KIFBP: variants seen among roughly 807,000 people sequenced by gnomAD.
KIFBP encodes the protein KIF-binding protein.
KIFBP carries 46 observed loss-of-function variants against 58.9 expected under a neutral mutation model. The observed-to-expected ratio is 0.78, with a 90% CI of 0.62 to 1.00. The LOEUF (loss-of-function observed/expected upper bound fraction) is 1.00, where lower values mean the gene tolerates loss of function less well. KIFBP is among the 50% of genes least tolerant of loss of function. The probability of loss-of-function intolerance (pLI) is 0.00; values close to 1 mark genes in which losing one functional copy is unlikely to be tolerated. For missense variants in KIFBP, 651 were observed against 752.9 expected (o/e 0.86, Z 1.58); for synonymous variants, 241 against 283.4 (o/e 0.85, Z 1.50).
At chr10:68,994,399 G>A (rs988948852) in intron 1 of KIFBP, among the ~76,000 whole-genome samples, 1 of 151,972 alleles carries the variant, frequency 6.6e-6, no homozygotes, top group Non-Finnish European at 1.5e-5. Context: ...GTCTTAATCT[G>A]GTGTATTCTC....
chr10:69,002,684 A>G (rs575192215), intron 2 of KIFBP, among the ~76,000 whole-genome samples: 51 of 151,828 alleles, frequency 3.4e-4, no homozygotes, highest in African/African-American at 1.2e-3. Flanking sequence ...TAGAGGTTCA[A>G]AGATCAGCCT....
intron 2 of KIFBP, among the ~76,000 whole-genome samples, chr10:69,002,777 A>G (rs1203316392): frequency 6.6e-6 from 1 of 151,932 alleles, no homozygotes; most frequent in Non-Finnish European, 1.5e-5. Context: ...GGTCCCAGCT[A>G]CTTCGGGGGC....
Position 68,994,979 on chromosome 10 carries a change from C to T in KIFBP, c.427-5445C>T, listed in dbSNP as rs553471297. Among the ~76,000 whole-genome samples, 275 of 151,886 alleles carry T rather than the reference C, an allele frequency of 1.8e-3. 3 individuals carry two copies. Among genetic ancestry groups the T allele is most frequent in the African/African-American group, 6.2e-3 (255 of 41,420 alleles). On this transcript the variant is annotated intron_variant, in intron 1 of 6. Transcript: ENST00000361983. ...CCTCAAACTCCTGGGATCATGTGAA[C>T]CTTTCACCTCAGCCTCCTGAATAGC...
chr10:69,006,909 C>G (rs964121240), intron 4 of KIFBP: 1 of 152,192 alleles, frequency 6.6e-6, no homozygotes, highest in African/African-American at 2.4e-5. Context: ...GCTTCTAGGA[C>G]TTTGGTCTAA....
chr10:68,994,545 CTTG>C (rs1843384522), intron 1 of KIFBP, among the ~76,000 whole-genome samples: 1 of 152,074 alleles, frequency 6.6e-6, no homozygotes, highest in Non-Finnish European at 1.5e-5. Flanking sequence ...CCTTCTGATC[CTTG>C]TTATCACCAG....
At chr10:69,002,812 C>T (rs528843458) in intron 2 of KIFBP, among the ~76,000 whole-genome samples, 1 of 152,010 alleles carries the variant, frequency 6.6e-6, no homozygotes, top group South Asian at 2.1e-4. Flanking sequence ...GGCTTGAGTC[C>T]GGGAGGGCAG....
intron 1 of KIFBP, among the ~76,000 whole-genome samples, chr10:68,998,771 A>ATTTTTTTTTTT (rs869186033): frequency 1.0e-5 from 1 of 99,856 alleles, no homozygotes; most frequent in East Asian, 3.9e-4. Flanking sequence ...ATATATATAT[A>ATTTTTTTTTTT]TTTTTTTTTT....
intron 1 of KIFBP, among the ~76,000 whole-genome samples, chr10:68,990,274 A>ACAGG (rs1843325951): frequency 6.6e-6 from 1 of 152,196 alleles, no homozygotes; most frequent in Non-Finnish European, 1.5e-5. Context: ...TCCCATCTGT[A>ACAGG]ATCCCAGCAT....
chr10:69,008,418 A>ATATATT (rs1159262992), intron 4 of KIFBP, among the ~76,000 whole-genome samples: 1 of 139,598 alleles, frequency 7.2e-6, no homozygotes, highest in Non-Finnish European at 1.5e-5. Flanking sequence ...ATATATATAT[A>ATATATT]TTCAGTCTTC....
intron 1 of KIFBP, among the ~76,000 whole-genome samples, chr10:68,999,364 C>A (rs1332022375): frequency 6.6e-6 from 1 of 151,768 alleles, no homozygotes; most frequent in Non-Finnish European, 1.5e-5. Context: ...TCCCAAAGTG[C>A]TAGAATTACA....
intron 6 of KIFBP, among the ~76,000 whole-genome samples, chr10:69,012,077 A>G (rs1205451353): frequency 2.6e-5 from 4 of 152,176 alleles, no homozygotes; most frequent in Non-Finnish European, 5.9e-5. Flanking sequence ...GACTTTTAAG[A>G]AATAGCTCAT....
intron 6 of KIFBP, among the ~76,000 whole-genome samples, chr10:69,014,879 C>T (rs1004008909): frequency 7.2e-5 from 11 of 152,126 alleles, no homozygotes; most frequent in Admixed American, 1.3e-4. Context: ...ATCTTAATGG[C>T]ATCCTTGTGA....
At chr10:69,012,341 T>G (rs1226856504) in intron 6 of KIFBP, among the ~76,000 whole-genome samples, 1 of 152,162 alleles carries the variant, frequency 6.6e-6, no homozygotes, top group Non-Finnish European at 1.5e-5. Context: ...CCTTAATAAA[T>G]GTTAACTACC....
chr10:68,992,147 C>G (rs1300928048), intron 1 of KIFBP, among the ~76,000 whole-genome samples: 1 of 152,100 alleles, frequency 6.6e-6, no homozygotes, highest in African/African-American at 2.4e-5. Flanking sequence ...GTGCCTGCCA[C>G]CATGCCCAGC....
chr10:69,010,715 A>G (rs1049864323), intron 5 of KIFBP, among the ~76,000 whole-genome samples, 185 bp from the exon 6 acceptor site: 3 of 152,218 alleles, frequency 2.0e-5, no homozygotes, highest in African/African-American at 7.2e-5. Context: ...TGCAAAAATA[A>G]TAGTGAGTGC....
At chr10:69,006,863 T>C (rs1843542304) in intron 4 of KIFBP, 1 of 152,164 alleles carries the variant, frequency 6.6e-6, no homozygotes, top group African/African-American at 2.4e-5. Flanking sequence ...GAAAAGCTAT[T>C]AGCAGGAGAG....
At chr10:69,008,815 T>C in intron 4 of KIFBP, 26 bp from the exon 5 acceptor site, 1 of 1,542,710 alleles carries the variant, frequency 6.5e-7, no homozygotes, top group Non-Finnish European at 9.0e-7. Flanking sequence ...GATAGTTGCA[T>C]TCACTGTTGT....
rs577075681 is a variant in KIFBP, at chr10:69,002,558, TCA to T, written c.525+2039_525+2040del. 2.0e-5 allele frequency among the ~76,000 whole-genome samples: 3 copies of T among 152,186 alleles called. No individual in the cohort carries two copies. The South Asian group carries it at 6.2e-4, about 32-fold the overall frequency. On this transcript the variant is annotated intron_variant, in intron 2 of 6. Coordinates refer to ENST00000361983, the MANE Select transcript of KIFBP (RefSeq NM_015634.4). ...AGTCTACCCTTTCTTGCTTTTAGGC[TCA>T]CAGTCTTATATGTGAAATTGTTAAT...
intron 4 of KIFBP, 124 bp downstream of exon 4, chr10:69,006,039 A>G: frequency 1.1e-6 from 1 of 904,492 alleles, no homozygotes; most frequent in Non-Finnish European, 1.7e-6. Context: ...GTACAACTGA[A>G]GCCGAAAATG....
Sources: gnomAD v4.1 joint callset for allele counts (sites outside exome capture counted in the v4.1 genomes callset) on GRCh38, gnomAD v4.1.1 for gene constraint, MANE v1.5 for transcripts, NCBI Gene and HGNC (gene_info 2026-07-23, HGNC 2026-07-21) for gene names.